Variants in IQUB observed in about 807,000 individuals in gnomAD.
IQUB encodes IQ motif and ubiquitin-like domain-containing protein.
A neutral mutation model predicts 86.4 loss-of-function variants in IQUB; 86 were observed. That is an observed-to-expected ratio of 1.00 (90% confidence interval 0.84 to 1.19). IQUB has a LOEUF of 1.19. Ranked by LOEUF, IQUB falls within the 50% of genes most tolerant of loss-of-function variation. IQUB has a pLI of 0.00. For missense variants in IQUB, 946 were observed against 916.9 expected (o/e 1.03, Z -0.41); for synonymous variants, 289 against 304.5 (o/e 0.95, Z 0.53).
At chr7:123,527,888 G>T (rs1383706436) in intron 1 of IQUB, among the ~76,000 whole-genome samples, 1 of 152,258 alleles carries the variant, frequency 6.6e-6, no homozygotes, top group Non-Finnish European at 1.5e-5. Context: ...GCAAGCCTGA[G>T]CAATGGCGGG....
intron 7 of IQUB, among the ~76,000 whole-genome samples, chr7:123,493,469 C>T (rs2117149650): frequency 6.6e-6 from 1 of 152,102 alleles, no homozygotes; most frequent in South Asian, 2.1e-4. Context: ...ACTCTGGTAT[C>T]CTGATATCTC....
At chr7:123,520,994 G>T (rs1413956450) in intron 1 of IQUB, among the ~76,000 whole-genome samples, 2 of 152,144 alleles carry the variant, frequency 1.3e-5, no homozygotes, top group African/African-American at 2.4e-5. Context: ...CCTGAGGTAT[G>T]CATGGAAATT....
intron 6 of IQUB, chr7:123,501,562 T>C (rs1795945655): frequency 6.6e-6 from 1 of 152,154 alleles, no homozygotes; most frequent in Admixed American, 6.5e-5. Flanking sequence ...TGAAATTAGA[T>C]CAGTAAGAAA....
chr7:123,470,743 C>T (rs1584564042), intron 8 of IQUB, among the ~76,000 whole-genome samples: 1 of 151,376 alleles, frequency 6.6e-6, no homozygotes, highest in Non-Finnish European at 1.5e-5. Flanking sequence ...CCCAGCTACT[C>T]GGGAGGCTGA....
chr7:123,513,232 AT>A (rs1796507458), intron 1 of IQUB, among the ~76,000 whole-genome samples: 1 of 152,212 alleles, frequency 6.6e-6, no homozygotes, highest in Admixed American at 6.5e-5. Flanking sequence ...TAAGTTATAA[AT>A]TTTTAAAAAT....
chr7:123,500,216 C>G (rs992723455), intron 6 of IQUB, among the ~76,000 whole-genome samples: 1 of 152,154 alleles, frequency 6.6e-6, no homozygotes, highest in African/African-American at 2.4e-5. Flanking sequence ...AATAAACTTG[C>G]TTTTACTTTA....
rs560010100 is a variant in IQUB, at chr7:123,477,487, C to T, written c.1410+2308G>A. Among the ~76,000 whole-genome samples, 3 of 152,182 alleles carry T rather than the reference C, an allele frequency of 2.0e-5. No homozygotes were observed. The South Asian group carries it at 6.2e-4, about 32-fold the overall frequency. On this transcript the variant is annotated intron_variant, in intron 8 of 12. Transcript: ENST00000324698. ...ACGTTAGACCTAAAACCATAAAAAC[C>T]CTAGGAGAAAACCTAGGCAATACCA...
chr7:123,470,708 G>A lies in IQUB; in HGVS notation c.1411-1324C>T, dbSNP rs188582053. Among the ~76,000 whole-genome samples the A allele has an allele frequency of 1.9e-3, 288 of 152,088 alleles. 2 individuals carry two copies. The South Asian group carries it at 0.047, about 25-fold the overall frequency. On this transcript the variant is annotated intron_variant, in intron 8 of 12. Coordinates refer to ENST00000324698, the MANE Select transcript of IQUB (RefSeq NM_178827.5). ...CTACTAAAACTACAAAAAATTAGCCGGGCGTGGTGACGGACACCTGTAGTC... is the reference window on the plus strand; with the variant it reads ...CTACTAAAACTACAAAAAATTAGCCAGGCGTGGTGACGGACACCTGTAGTC...
Position 123,502,714 on chromosome 7 carries a change from A to ATTTGTAG in IQUB, c.899_905dup (p.Thr303TyrfsTer10). On this transcript the variant is annotated frameshift_variant, in exon 6 of 13. Coordinates refer to ENST00000324698, the MANE Select transcript of IQUB (RefSeq NM_178827.5). LOFTEE classifies it high-confidence loss of function. ...TGTTAGTCATCTGTGTGGATGTTGT[A>ATTTGTAG]TTTGTAGTTTGTTGGAGATTTTTTT... The ATTTGTAG allele has an allele frequency of 6.2e-7, 1 of 1,602,454 alleles. No homozygotes were observed.
rs180671054 is a variant in IQUB at position 123,470,053 on chromosome 7, T to C, written c.1411-669A>G. On this transcript the variant is annotated intron_variant, in intron 8 of 12. Transcript: ENST00000324698. ...CACCTCCTAAATGAAGGGCCAAAAA[T>C]GAAGTTCACTTGCCCTGAAGCTCAT... is the stretch of plus-strand genomic sequence containing the variant. Among the ~76,000 whole-genome samples, 336 of 152,234 alleles carry C rather than the reference T, an allele frequency of 2.2e-3. 1 individual carries two copies. The highest frequency in any genetic ancestry group is 7.5e-3 in the African/African-American group (313 of 41,550).
chr7:123,503,411 C>T lies in IQUB; in HGVS notation c.533-48G>A, dbSNP rs1453818905. ...TAAAAGTTTTATGACAAAGAAATGG[C>T]TATTCATTGATCTTATTTTTTGTTT... On this transcript the variant is annotated intron_variant, in intron 3 of 12. Coordinates refer to ENST00000324698, the MANE Select transcript of IQUB (RefSeq NM_178827.5). 3 of 965,390 alleles carry T rather than the reference C, an allele frequency of 3.1e-6. No homozygotes were observed. The African/African-American group carries it at 5.0e-5, about 16-fold the overall frequency. 59.8% of individuals were successfully genotyped at this position (965,390 alleles called of 1,614,324 possible).
intron 1 of IQUB, among the ~76,000 whole-genome samples, chr7:123,525,559 A>T (rs1797157341): frequency 6.6e-6 from 1 of 151,916 alleles, no homozygotes; most frequent in African/African-American, 2.4e-5. Context: ...CCCCTTTATC[A>T]TTTTTTATTG....
chr7:123,504,787 G>A (rs1192492060), intron 3 of IQUB, among the ~76,000 whole-genome samples: 3 of 151,960 alleles, frequency 2.0e-5, no homozygotes, highest in Admixed American at 6.6e-5. Flanking sequence ...TTTGCTCCTG[G>A]CTCCTGTCAA....
rs904190938 is a variant in IQUB, at chr7:123,518,985, T to A, written c.-4-6641A>T. Among the ~76,000 whole-genome samples, 3 of 148,872 alleles carry A rather than the reference T, an allele frequency of 2.0e-5. No homozygotes were observed. The Admixed American group carries it at 2.0e-4, about 10-fold the overall frequency. ...AATCATACCTCAAATACCCCCTAAT[T>A]TATTTTTTTCATCAATATAATCACT... On this transcript the variant is annotated intron_variant, in intron 1 of 12. Transcript: ENST00000324698.
intron 11 of IQUB, among the ~76,000 whole-genome samples, chr7:123,460,840 C>G (rs750661205): frequency 6.6e-6 from 1 of 151,794 alleles, no homozygotes; most frequent in African/African-American, 2.4e-5. Context: ...GAAGTTCTTA[C>G]GAGAAGCAGA....
chr7:123,491,703 C>T (rs1795473545), intron 7 of IQUB, among the ~76,000 whole-genome samples: 1 of 152,132 alleles, frequency 6.6e-6, no homozygotes, highest in Non-Finnish European at 1.5e-5. Flanking sequence ...AACCTTCCCA[C>T]AAAGAAAATT....
Position 123,452,605 on chromosome 7 carries a change from T to C in IQUB, c.*138A>G. 2.1e-6 allele frequency: 1 copy of C among 472,840 alleles called. No individual in the cohort carries two copies. Among genetic ancestry groups the C allele is most frequent in the Non-Finnish European group, 3.6e-6 (1 of 280,126 alleles). The allele number at this position is 472,840 out of a possible 1,614,324, so 29.3% of individuals were successfully genotyped here. A position where few individuals can be genotyped will look rare whatever the true frequency, so the allele number is the denominator to read the frequency against. ...CTTATATAGAAATGTTTTCTCTTTA[T>C]ATAACTCAAAATACTATGAAAAACA... is the stretch of plus-strand genomic sequence containing the variant. On this transcript the variant is annotated 3_prime_UTR_variant, in exon 13 of 13. Transcript: ENST00000324698.
chr7:123,461,332 A>G, intron 11 of IQUB, 25 bp downstream of exon 11: 1 of 1,580,460 alleles, frequency 6.3e-7, no homozygotes. Context: ...CTTCAGCTAT[A>G]ATTGGCACCC....
Position 123,509,993 on chromosome 7 carries a change from G to A in IQUB, c.440C>T (p.Pro147Leu). The A allele has an allele frequency of 1.9e-6, 3 of 1,590,804 alleles. No individual in the cohort carries two copies. The highest frequency in any genetic ancestry group is 3.4e-5 in the Admixed American group (2 of 57,986). ...LIPVGQEIVI[P>L]FKVDTILKYL... ...TTTAAGAATGGTATCAACCTTAAAAGGTATTACAATTTCCTGGCCCACTGG... is the reference window on the plus strand; with the variant it reads ...TTTAAGAATGGTATCAACCTTAAAAAGTATTACAATTTCCTGGCCCACTGG... Residue 147 changes from proline (P) to leucine (L), a missense_variant, in exon 3 of 13, where the codon CCT (proline) becomes CTT (leucine). By Grantham distance (98) the Pro-to-Leu change is moderately conservative. Transcript: ENST00000324698.
Sources: gnomAD v4.1 joint callset for allele counts (sites outside exome capture counted in the v4.1 genomes callset) on GRCh38, gnomAD v4.1.1 for gene constraint, MANE v1.5 for transcripts, NCBI Gene and HGNC (gene_info 2026-07-23, HGNC 2026-07-21) for gene names.